The following GALNT17 variants were observed in gnomAD, a reference collection of about 807,000 sequenced individuals.
The protein encoded by GALNT17 is UDP-GalNAc:polypeptide N-acetylgalactosaminyltransferase-like 3.
A neutral mutation model predicts 63.7 loss-of-function variants in GALNT17; 29 were observed. The observed-to-expected ratio is 0.46, with a 90% CI of 0.34 to 0.62. The LOEUF (loss-of-function observed/expected upper bound fraction) is 0.62. Ranked by LOEUF, GALNT17 falls within the 20% of genes least tolerant of loss-of-function variation. The pLI, the probability that GALNT17 is intolerant of heterozygous loss-of-function variation, is 0.01. For missense variants in GALNT17, 603 were observed against 799.6 expected (o/e 0.75, Z 2.97); for synonymous variants, 305 against 318.3 (o/e 0.96, Z 0.45).
At chr7:71,596,704 G>A (rs1477194407) in intron 6 of GALNT17, among the ~76,000 whole-genome samples, 1 of 152,038 alleles carries the variant, frequency 6.6e-6, no homozygotes, top group Non-Finnish European at 1.5e-5. Context: ...TAGGAGAGTT[G>A]GCTAAACTGT....
At chr7:71,306,579 A>T (rs988923853) in intron 1 of GALNT17, among the ~76,000 whole-genome samples, 1 of 152,182 alleles carries the variant, frequency 6.6e-6, no homozygotes, top group Non-Finnish European at 1.5e-5. Flanking sequence ...TTCCTTTTGA[A>T]GGCTGAATAA....
intron 1 of GALNT17, among the ~76,000 whole-genome samples, chr7:71,208,861 TA>T (rs1320740757): frequency 6.6e-6 from 1 of 152,224 alleles, no homozygotes; most frequent in South Asian, 2.1e-4. Context: ...AATCTCCACT[TA>T]CAACATTACA....
chr7:71,379,678 C>T (rs1189683557), intron 2 of GALNT17, among the ~76,000 whole-genome samples: 1 of 151,976 alleles, frequency 6.6e-6, no homozygotes, highest in Non-Finnish European at 1.5e-5. Context: ...AGGGTGGTGG[C>T]CTTCAGCAAA....
At chr7:71,176,459 G>A (rs374929375) in intron 1 of GALNT17, among the ~76,000 whole-genome samples, 47 of 152,236 alleles carry the variant, frequency 3.1e-4, no homozygotes, top group East Asian at 9.7e-4. Context: ...GTTTGGATTC[G>A]TGTCTCCATG....
At chr7:71,439,570 G>T (rs188600693) in intron 5 of GALNT17, among the ~76,000 whole-genome samples, 2 of 152,136 alleles carry the variant, frequency 1.3e-5, no homozygotes, top group African/African-American at 2.4e-5. Context: ...AGCTCCCAGC[G>T]GCAGGTAGAT....
intron 3 of GALNT17, among the ~76,000 whole-genome samples, chr7:71,400,330 AT>A (rs545689504): frequency 1.2e-4 from 18 of 152,030 alleles, no homozygotes; most frequent in African/African-American, 3.9e-4. Context: ...ACATGAGCTC[AT>A]TTTTTTTATG....
chr7:71,466,738 G>A (rs193251397), intron 5 of GALNT17, among the ~76,000 whole-genome samples: 34 of 152,206 alleles, frequency 2.2e-4, no homozygotes, highest in African/African-American at 7.7e-4. Flanking sequence ...TTGAAACTCC[G>A]CAGACAAAAT....
At chr7:71,262,497 T>G (rs1373998732) in intron 1 of GALNT17, among the ~76,000 whole-genome samples, 1 of 152,120 alleles carries the variant, frequency 6.6e-6, no homozygotes, top group Non-Finnish European at 1.5e-5. Context: ...TTGGGAACTA[T>G]TATGGGTTGA....
intron 3 of GALNT17, among the ~76,000 whole-genome samples, chr7:71,412,809 G>A (rs1326938706): frequency 6.6e-6 from 1 of 152,180 alleles, no homozygotes; most frequent in Non-Finnish European, 1.5e-5. Flanking sequence ...TTAAGAGGCT[G>A]AGGTAGGGGG....
At chr7:71,170,429 G>A (rs946866555) in intron 1 of GALNT17, among the ~76,000 whole-genome samples, 5 of 151,862 alleles carry the variant, frequency 3.3e-5, no homozygotes, top group African/African-American at 9.7e-5. Context: ...TCTGCCTCCC[G>A]GGTTCGAGCG....
intron 5 of GALNT17, among the ~76,000 whole-genome samples, chr7:71,514,240 T>C (rs1364644415): frequency 2.0e-5 from 3 of 152,034 alleles, no homozygotes; most frequent in Non-Finnish European, 4.4e-5. Context: ...GGGTAGGTGA[T>C]ATGACTCTAA....
At chr7:71,693,259 C>T (rs1428419891) in intron 9 of GALNT17, among the ~76,000 whole-genome samples, 5 of 65,410 alleles carry the variant, frequency 7.6e-5, no homozygotes, top group African/African-American at 2.3e-4. Context: ...TACACACACA[C>T]ACATACACAC....
At chr7:71,312,703 A>G (rs767427301) in intron 1 of GALNT17, among the ~76,000 whole-genome samples, 7 of 152,166 alleles carry the variant, frequency 4.6e-5, no homozygotes, top group African/African-American at 1.7e-4. Flanking sequence ...GGTCCACTTA[A>G]TGAGCCTCAT....
chr7:71,364,750 A>C (rs925098919), intron 2 of GALNT17, among the ~76,000 whole-genome samples: 2 of 152,158 alleles, frequency 1.3e-5, no homozygotes, highest in Admixed American at 1.3e-4. Flanking sequence ...TTCTGCTTAC[A>C]ATCCCACCTG....
chr7:71,204,673 C>G (rs1057439910), intron 1 of GALNT17, among the ~76,000 whole-genome samples: 2 of 151,476 alleles, frequency 1.3e-5, no homozygotes, highest in African/African-American at 4.9e-5. Context: ...TCAAGTGATT[C>G]TCCTGCCTCA....
At chr7:71,172,926 A>C (rs1457357299) in intron 1 of GALNT17, among the ~76,000 whole-genome samples, 1 of 152,190 alleles carries the variant, frequency 6.6e-6, no homozygotes, top group Non-Finnish European at 1.5e-5. Context: ...TGATGACAGG[A>C]ACAGCAAAAC....
intron 5 of GALNT17, among the ~76,000 whole-genome samples, chr7:71,564,680 C>T (rs1208998590): frequency 6.6e-6 from 1 of 152,180 alleles, no homozygotes; most frequent in African/African-American, 2.4e-5. Flanking sequence ...GCCCATTCAT[C>T]TGTGGGTTCT....
chr7:71,703,536 C>A (rs1791682028), intron 9 of GALNT17, among the ~76,000 whole-genome samples: 1 of 152,176 alleles, frequency 6.6e-6, no homozygotes, highest in Non-Finnish European at 1.5e-5. Context: ...CCATCAGACC[C>A]CATCTCCAAC....
chr7:71,454,297 C>A (rs1024534541), intron 5 of GALNT17, among the ~76,000 whole-genome samples: 1 of 152,130 alleles, frequency 6.6e-6, no homozygotes, highest in African/African-American at 2.4e-5. Flanking sequence ...TTGTTCAGCT[C>A]CCACTTACAA....
Sources: allele counts gnomAD v4.1 joint callset (sites outside exome capture counted in the v4.1 genomes callset), GRCh38; gene constraint gnomAD v4.1.1; transcripts MANE v1.5; gene names NCBI Gene and HGNC (gene_info 2026-07-23, HGNC 2026-07-21).